APOL6: variants seen among roughly 807,000 people sequenced by gnomAD.
APOL6 encodes the protein apolipoprotein L, 6.
Under a neutral mutation model 2.4 loss-of-function variants are expected in APOL6, and 1 was observed. The ratio of observed to expected loss-of-function variants is 0.41; its 90% CI spans 0.15 to 1.94. The LOEUF (loss-of-function observed/expected upper bound fraction) is 1.94. Among genes scored for constraint, APOL6 ranks in the 30% most tolerant of loss-of-function variants. APOL6 has a pLI of 0.30. For missense variants in APOL6, 438 were observed against 429.2 expected, an observed-to-expected ratio of 1.02 and a Z score of -0.18; for synonymous variants, 189 against 169.3, an observed-to-expected ratio of 1.12 and a Z score of -0.90.
chr22:35,659,664 G>A lies in APOL6; in HGVS notation c.*68G>A. The A allele has an allele frequency of 2.0e-6, 3 of 1,493,014 alleles. No homozygotes were observed. Among genetic ancestry groups the A allele is most frequent in the East Asian group, 2.5e-5 (1 of 40,550 alleles). 92.5% of individuals were successfully genotyped at this position (1,493,014 alleles called of 1,614,324 possible). A position where few individuals can be genotyped will look rare whatever the true frequency, so the allele number is the denominator to read the frequency against. ...ATAATATCAAGTACATCTTGGAGATGAGGGTGCCTGTCCTGGACAGACCTC... is the reference window on the plus strand; with the variant it reads ...ATAATATCAAGTACATCTTGGAGATAAGGGTGCCTGTCCTGGACAGACCTC... On this transcript the variant is annotated 3_prime_UTR_variant, in exon 3 of 3. Transcript: ENST00000409652.
Position 35,650,930 on chromosome 22 carries a change from C to CA in APOL6, c.-48+2322dup, listed in dbSNP as rs202235953. ...GGGCAACAAGAGCAAAATTCAGTCT[C>CA]AAAAAAAAAAAAAAATTTTTTTAAA... On this transcript the variant is annotated intron_variant, in intron 1 of 2. Transcript: ENST00000409652. Among the ~76,000 whole-genome samples, 117 of 136,228 alleles carry CA rather than the reference C, an allele frequency of 8.6e-4. No homozygotes were observed. In the South Asian group the frequency reaches 0.013, roughly 15 times the overall value. The allele number at this position is 136,228 out of a possible 152,430, so 89.4% of individuals were successfully genotyped here. A position where few individuals can be genotyped will look rare whatever the true frequency, so the allele number is the denominator to read the frequency against.
In APOL6 at chr22:35,661,957, T is replaced by G. The variant is rs552259420; in HGVS notation, c.*2361T>G. The G allele has an allele frequency of 1.3e-5, 2 of 152,354 alleles. No individual in the cohort carries two copies. Among genetic ancestry groups the G allele is most frequent in the East Asian group, 3.9e-4 (2 of 5,188 alleles). The allele number at this position is 152,354 out of a possible 1,614,324, so 9.4% of individuals were successfully genotyped here. On this transcript the variant is annotated 3_prime_UTR_variant, in exon 3 of 3. Transcript: ENST00000409652. ...GACCGAAACATTGTTATTGGACACA[T>G]AACTATAGTTGAAAGAATAAGCAAA...
chr22:35,658,534 G>C, intron 2 of APOL6, 81 bp from the exon 3 acceptor site: 1 of 1,254,196 alleles, frequency 8.0e-7, no homozygotes, highest in Non-Finnish European at 1.1e-6. Context: ...TCGAAGCTGA[G>C]AGTGGCAAGA....
chr22:35,658,531 T>C, intron 2 of APOL6, 84 bp from the exon 3 acceptor site: 1 of 1,240,602 alleles, frequency 8.1e-7, no homozygotes, highest in Non-Finnish European at 1.1e-6. Context: ...GATTCGAAGC[T>C]GAGAGTGGCA....
At chr22:35,651,604 G>A (rs1924698327) in intron 1 of APOL6, among the ~76,000 whole-genome samples, 1 of 151,478 alleles carries the variant, frequency 6.6e-6, no homozygotes, top group Non-Finnish European at 1.5e-5. Context: ...GTGTCCATGT[G>A]TTCTCATTGT....
rs1040287534 is a variant in APOL6, at chr22:35,665,863, C to T, written c.*6267C>T. On this transcript the variant is annotated 3_prime_UTR_variant, in exon 3 of 3. Transcript: ENST00000409652. ...TTTTGTAATGTCAAGTGTTTTAAAC[C>T]TTTTGTATTTGACAAGCTTTCCAAA... The T allele has an allele frequency of 2.0e-5, 3 of 152,078 alleles. No homozygotes were observed. Among genetic ancestry groups the T allele is most frequent in the African/African-American group, 7.2e-5 (3 of 41,418 alleles). 9.4% of individuals were successfully genotyped at this position (152,078 alleles called of 1,614,324 possible). A position where few individuals can be genotyped will look rare whatever the true frequency, so the allele number is the denominator to read the frequency against.
chr22:35,656,855 C>T (rs1924859497), intron 2 of APOL6, among the ~76,000 whole-genome samples: 1 of 152,160 alleles, frequency 6.6e-6, no homozygotes, highest in African/African-American at 2.4e-5. Context: ...TGAATTTAAG[C>T]CCAGTTGTCT....
At chr22:35,658,562 GGGTTT>G in intron 2 of APOL6, 48 bp from the exon 3 acceptor site, 1 of 1,476,334 alleles carries the variant, frequency 6.8e-7, no homozygotes, top group Non-Finnish European at 9.2e-7. Flanking sequence ...AGAGCCACAT[GGGTTT>G]TCCCATCTGG....
chr22:35,659,497 C>T lies in APOL6; in HGVS notation c.933C>T (p.Cys311=), dbSNP rs370523539. 165 of 1,614,040 alleles carry T rather than the reference C, an allele frequency of 1.0e-4. No individual in the cohort carries two copies. The highest frequency in any genetic ancestry group is 4.7e-4 in the Admixed American group (28 of 59,996). The part of the protein sequence containing the change: ...RGVGKDLTGT[C]ETEAYWKELR... The stretch of plus-strand genomic sequence containing the variant: ...TGGGGAAGGATTTAACTGGGACCTG[C>T]GAAACCGAGGCTTACTGGAAGGAGT... Residue 311 remains cysteine, a synonymous_variant, in exon 3 of 3, where the codon TGC becomes TGT. Coordinates refer to ENST00000409652, the MANE Select transcript of APOL6 (RefSeq NM_030641.4).
chr22:35,662,254 C>G lies in APOL6; in HGVS notation c.*2658C>G, dbSNP rs5755839. On this transcript the variant is annotated 3_prime_UTR_variant, in exon 3 of 3. Transcript: ENST00000409652. ...CCTTCAGTCTCCTTTATTCAAAGCA[C>G]TCAGCATGCCAAAGCACCCTATTTT... 6.6e-6 allele frequency: 1 copy of G among 152,060 alleles called. No individual in the cohort carries two copies. Among genetic ancestry groups the G allele is most frequent in the Non-Finnish European group, 1.5e-5 (1 of 68,028 alleles). The allele number at this position is 152,060 out of a possible 1,614,324, so 9.4% of individuals were successfully genotyped here. A position where few individuals can be genotyped will look rare whatever the true frequency, so the allele number is the denominator to read the frequency against.
chr22:35,656,759 C>G (rs1472407045), intron 2 of APOL6, among the ~76,000 whole-genome samples: 1 of 152,178 alleles, frequency 6.6e-6, no homozygotes, highest in Non-Finnish European at 1.5e-5. Context: ...GGGGCCTCAT[C>G]TCTGCAACTG....
chr22:35,658,733 A>G lies in APOL6; in HGVS notation c.169A>G (p.Ile57Val). 3.7e-6 allele frequency: 6 copies of G among 1,614,236 alleles called. No individual in the cohort carries two copies. The highest frequency in any genetic ancestry group is 5.1e-6 in the Non-Finnish European group (6 of 1,180,036). Reference sequence around the variant, plus strand: ...ATTGAAAGAAGATCTGAAAGGGAACATTGACAAGCTCCGTGCCCTCGCAGA... The same window carrying G: ...ATTGAAAGAAGATCTGAAAGGGAACGTTGACAAGCTCCGTGCCCTCGCAGA... ...PRLKEDLKGN[I>V]DKLRALADDI... The change falls in exon 3 of 3, where the codon ATT (isoleucine) becomes GTT (valine). Residue 57 changes from isoleucine (I) to valine (V), a missense_variant. Ile to Val is a conservative substitution (Grantham distance 29). Transcript: ENST00000409652.
Position 35,659,745 on chromosome 22 carries a change from G to A in APOL6, c.*149G>A, listed in dbSNP as rs1345358621. The A allele has an allele frequency of 8.2e-7, 1 of 1,223,702 alleles. No individual in the cohort carries two copies. Among genetic ancestry groups the A allele is most frequent in the Non-Finnish European group, 1.1e-6 (1 of 909,194 alleles). The allele number at this position is 1,223,702 out of a possible 1,614,324, so 75.8% of individuals were successfully genotyped here. On this transcript the variant is annotated 3_prime_UTR_variant, in exon 3 of 3. Coordinates refer to ENST00000409652, the MANE Select transcript of APOL6 (RefSeq NM_030641.4). ...CTTAAGGCCTATGTGCTGGGAAAAG[G>A]GTCTTCCCTGTTTGTTTGTTTGTTT...
intron 1 of APOL6, among the ~76,000 whole-genome samples, chr22:35,653,836 C>A (rs1264343367): frequency 6.6e-6 from 1 of 152,228 alleles, no homozygotes; most frequent in East Asian, 1.9e-4. Flanking sequence ...TCAGATCCCC[C>A]AGGTTAAGGG....
Position 35,659,059 on chromosome 22 carries a change from A to G in APOL6, c.495A>G (p.Thr165=). 6.2e-7 allele frequency: 1 copy of G among 1,614,038 alleles called. No homozygotes were observed. The highest frequency in any genetic ancestry group is 8.5e-7 in the Non-Finnish European group (1 of 1,180,038). Residue 165 remains threonine, a synonymous_variant, in exon 3 of 3, where the codon ACA becomes ACG. Coordinates refer to ENST00000409652, the MANE Select transcript of APOL6 (RefSeq NM_030641.4). ...AGGAAGAGAAGGCAGACTATGTCAC[A>G]GCTGCTGGAAAGATTATCTATAATC... ...EDEEEKADYV[T]AAGKIIYNLR... is the part of the protein sequence containing the mutation.
In APOL6 at chr22:35,659,182, C is replaced by T; in HGVS notation, c.618C>T (p.Thr206=). 6.2e-7 allele frequency: 1 copy of T among 1,614,204 alleles called. No homozygotes were observed. Among genetic ancestry groups the T allele is most frequent in the Non-Finnish European group, 8.5e-7 (1 of 1,180,034 alleles). ...RLANATKRLL[T]TGQVSSRSRV... ...CCAATGCTACCAAGCGTCTTCTGACCACTGGCCAAGTCTCCTCCCGGAGCC... is the reference window on the plus strand; with the variant it reads ...CCAATGCTACCAAGCGTCTTCTGACTACTGGCCAAGTCTCCTCCCGGAGCC... Residue 206 remains threonine, a synonymous_variant, in exon 3 of 3, where the codon ACC becomes ACT. Coordinates refer to ENST00000409652, the MANE Select transcript of APOL6 (RefSeq NM_030641.4).
rs1238404109 is a variant in APOL6 at position 35,659,888 on chromosome 22, C to T, written c.*292C>T. The T allele has an allele frequency of 2.9e-6, 1 of 343,232 alleles. No homozygotes were observed. Among genetic ancestry groups the T allele is most frequent in the Non-Finnish European group, 5.3e-6 (1 of 187,314 alleles). The allele number at this position is 343,232 out of a possible 1,614,324, so 21.3% of individuals were successfully genotyped here. A position where few individuals can be genotyped will look rare whatever the true frequency, so the allele number is the denominator to read the frequency against. On this transcript the variant is annotated 3_prime_UTR_variant, in exon 3 of 3. Transcript: ENST00000409652. Reference sequence around the variant, plus strand: ...GCAAGCAAGTCTCCTGCCTCAGCCTCCCAAGTAGCTGGGATTACAGGCACG... The same window carrying T: ...GCAAGCAAGTCTCCTGCCTCAGCCTTCCAAGTAGCTGGGATTACAGGCACG...
chr22:35,649,242 C>A (rs781188325), intron 1 of APOL6, among the ~76,000 whole-genome samples: 25 of 152,002 alleles, frequency 1.6e-4, no homozygotes, highest in Non-Finnish European at 2.9e-4. Context: ...TTGAGACCAG[C>A]ATGGGCAACA....
In APOL6 at chr22:35,659,525, AG is replaced by A; in HGVS notation, c.964del (p.Glu322SerfsTer38). On this transcript the variant is annotated frameshift_variant, in exon 3 of 3. Transcript: ENST00000409652. LOFTEE classifies it low-confidence loss of function (END_TRUNC). ...AACCGAGGCTTACTGGAAGGAGTTA[AG>A]GGAGCATGTGTGGATGTGGCTGTGG... is the stretch of plus-strand genomic sequence containing the variant. Reference protein sequence around the residue: ...CETEAYWKELREHVWMWLWLC... With the variant: ...CETEAYWKELXEHVWMWLWLC... The A allele has an allele frequency of 6.2e-7, 1 of 1,614,118 alleles. No individual in the cohort carries two copies.
Sources: gnomAD v4.1 joint callset for allele counts (sites outside exome capture counted in the v4.1 genomes callset) on GRCh38, gnomAD v4.1.1 for gene constraint, MANE v1.5 for transcripts, NCBI Gene and HGNC (gene_info 2026-07-23, HGNC 2026-07-21) for gene names.